The following NEB variants were observed in gnomAD, a reference collection of about 807,000 sequenced individuals.
NEB encodes nemaline myopathy type 2.
Under a neutral mutation model 952.2 loss-of-function variants are expected in NEB, and 512 were observed. That is an observed-to-expected ratio of 0.54 (90% confidence interval 0.50 to 0.58). The LOEUF is 0.58. Ranked by LOEUF, NEB falls within the 20% of genes least tolerant of loss-of-function variation. The probability of loss-of-function intolerance (pLI) is 0.00; values close to 1 mark genes in which losing one functional copy is unlikely to be tolerated. For synonymous variants in NEB, 2,900 were observed against 3,149.8 expected (o/e 0.92, Z 2.66); for missense variants, 8,428 against 9,231.1 (o/e 0.91, Z 3.56).
intron 10 of NEB, chr2:151,716,133 T>C (rs1183846843): frequency 4.5e-6 from 2 of 440,464 alleles, no homozygotes; most frequent in Admixed American, 5.1e-5. Flanking sequence ...TTTCTTTCTT[T>C]TTTTTTTTCT....
intron 24 of NEB, chr2:151,689,799 T>C (rs1314460133): frequency 6.6e-6 from 1 of 152,230 alleles, no homozygotes; most frequent in Admixed American, 6.5e-5. Flanking sequence ...AGCTGTTCTT[T>C]ATTGGGACAC....
At chr2:151,664,923 C>T in intron 42 of NEB, 60 bp from the exon 43 acceptor site, 1 of 1,219,020 alleles carries the variant, frequency 8.2e-7, no homozygotes, top group South Asian at 1.4e-5. Flanking sequence ...CCAATGCTAG[C>T]AAGAGGAAGA....
At chr2:151,671,434 T>C in intron 37 of NEB, 1 of 490,088 alleles carries the variant, frequency 2.0e-6, no homozygotes, top group Non-Finnish European at 3.6e-6. Flanking sequence ...CAGAAGGGAA[T>C]CTAGGTCACA....
chr2:151,534,176 C>T (rs755492414), intron 142 of NEB: 1 of 1,456,854 alleles, frequency 6.9e-7, no homozygotes, highest in South Asian at 1.2e-5. Context: ...ACTGGGAGCA[C>T]AGTCCTGCCT....
chr2:151,728,797 A>G (rs919087473), intron 4 of NEB, among the ~76,000 whole-genome samples: 2 of 152,212 alleles, frequency 1.3e-5, no homozygotes, highest in Non-Finnish European at 2.9e-5. Context: ...TCAATTATGA[A>G]AAGAGAACCT....
intron 60 of NEB, 83 bp from the exon 61 acceptor site, chr2:151,640,749 A>T (rs1437069188): frequency 7.5e-6 from 9 of 1,198,468 alleles, no homozygotes; most frequent in Admixed American, 2.8e-5. Flanking sequence ...TCTATTTATT[A>T]AAAAAAAAAT....
At chr2:151,685,632 C>T (rs931615209) in intron 27 of NEB, among the ~76,000 whole-genome samples, 2 of 152,290 alleles carry the variant, frequency 1.3e-5, no homozygotes, top group East Asian at 1.9e-4. Flanking sequence ...TTGGCCCTTC[C>T]GTACAGCATT....
intron 105 of NEB, among the ~76,000 whole-genome samples, chr2:151,578,734 G>T (rs901403811): frequency 6.7e-6 from 1 of 148,490 alleles, no homozygotes; most frequent in Admixed American, 6.8e-5. Flanking sequence ...AGGGAAGGAA[G>T]GAAGGAAGGA....
rs749717087 is a variant in NEB at position 151,562,107 on chromosome 2, C to T, written c.18996+3G>A. 6.2e-7 allele frequency: 1 copy of T among 1,612,280 alleles called. No individual in the cohort carries two copies. Among genetic ancestry groups the T allele is most frequent in the South Asian group, 1.1e-5 (1 of 91,002 alleles). On this transcript the variant is annotated splice_donor_region_variant and intron_variant, in intron 121 of 181. Coordinates refer to ENST00000397345, the MANE Select transcript of NEB (RefSeq NM_001164508.2). ...AACCAGTCCTTCTAGGAAGGTGGCT[C>T]ACCTGACTCTGAAGGTCGTATGATT...
chr2:151,641,436 A>C (rs1420761116), intron 60 of NEB, among the ~76,000 whole-genome samples: 1 of 152,140 alleles, frequency 6.6e-6, no homozygotes, highest in African/African-American at 2.4e-5. Context: ...GGCTGAAGTG[A>C]TCCTCCCACC....
At chr2:151,715,380 G>A (rs940159240) in intron 10 of NEB, among the ~76,000 whole-genome samples, 2 of 152,076 alleles carry the variant, frequency 1.3e-5, no homozygotes, top group African/African-American at 4.8e-5. Flanking sequence ...CTCACATATT[G>A]GACACTAAGT....
chr2:151,490,565 A>C, intron 179 of NEB, 47 bp from the exon 180 acceptor site: 1 of 1,582,882 alleles, frequency 6.3e-7, no homozygotes, highest in Non-Finnish European at 8.6e-7. Flanking sequence ...TGAAATTTCT[A>C]TGGTAGTAAT....
At chr2:151,540,549 C>CT (rs1461925790) in intron 137 of NEB, 101 bp from the exon 138 acceptor site, 2 of 1,126,058 alleles carry the variant, frequency 1.8e-6, no homozygotes, top group Non-Finnish European at 2.6e-6. Flanking sequence ...GTGTTACACA[C>CT]TTTAAGAGAA....
chr2:151,663,263 T>C (rs980741204), intron 45 of NEB, among the ~76,000 whole-genome samples: 1 of 152,190 alleles, frequency 6.6e-6, no homozygotes, highest in African/African-American at 2.4e-5. Flanking sequence ...TTGCTAGACA[T>C]ATTCCTTTCA....
At chr2:151,501,182 A>G (rs982907664) in intron 168 of NEB, among the ~76,000 whole-genome samples, 1 of 152,210 alleles carries the variant, frequency 6.6e-6, no homozygotes, top group Admixed American at 6.5e-5. Flanking sequence ...AAGGAAAGAA[A>G]AAGTTTTAAG....
intron 142 of NEB, among the ~76,000 whole-genome samples, chr2:151,535,469 G>A (rs1349179005): frequency 6.6e-6 from 1 of 152,156 alleles, no homozygotes; most frequent in Admixed American, 6.5e-5. Context: ...GATGTTTGCG[G>A]GGCTCTCCCA....
intron 106 of NEB, 146 bp from the exon 107 acceptor site, chr2:151,575,945 A>C: frequency 1.3e-6 from 1 of 762,650 alleles, no homozygotes; most frequent in Non-Finnish European, 2.2e-6. Flanking sequence ...CACGTAAGTT[A>C]CTCAAATTTG....
At chr2:151,697,815 C>A (rs1242993240) in intron 13 of NEB, among the ~76,000 whole-genome samples, 167 bp from the exon 14 acceptor site, 2 of 152,152 alleles carry the variant, frequency 1.3e-5, no homozygotes, top group Non-Finnish European at 2.9e-5. Flanking sequence ...GCCTGTAATC[C>A]CAGCACTTTA....
At chr2:151,567,131 T>G (rs748230949) in intron 114 of NEB, 37 bp downstream of exon 114, 16 of 1,502,932 alleles carry the variant, frequency 1.1e-5, no homozygotes, top group African/African-American at 2.8e-5. Flanking sequence ...GAGTGTACCA[T>G]GCGTTTCTAG....
Sources: allele counts gnomAD v4.1 joint callset (sites outside exome capture counted in the v4.1 genomes callset), GRCh38; gene constraint gnomAD v4.1.1; transcripts MANE v1.5; gene names NCBI Gene and HGNC (gene_info 2026-07-23, HGNC 2026-07-21).